FBXL19: variants seen among roughly 807,000 people sequenced by gnomAD.
FBXL19 encodes the protein F-box/LRR-repeat protein 19.
Under a neutral mutation model 71.2 loss-of-function variants are expected in FBXL19, and 16 were observed. The observed-to-expected ratio is 0.22, with a 90% CI of 0.15 to 0.34. The LOEUF is 0.34. FBXL19 is among the 10% of genes least tolerant of loss of function. The probability of loss-of-function intolerance (pLI) is 1.00; values close to 1 mark genes in which losing one functional copy is unlikely to be tolerated. For missense variants in FBXL19, 658 were observed against 968.2 expected, an observed-to-expected ratio of 0.68 and a Z score of 4.25; for synonymous variants, 447 against 409.4, an observed-to-expected ratio of 1.09 and a Z score of -1.11.
At position 30,931,217 on chromosome 16, in the gene FBXL19, A is replaced by G. The variant is rs1348213713; in HGVS notation, c.1301+633A>G. Reference sequence around the variant, plus strand: ...CCCGAGCCTCTTGTCTTCCTCTCTGATCTCGCCCCCAACAAAATTCCTCCT... The same window carrying G: ...CCCGAGCCTCTTGTCTTCCTCTCTGGTCTCGCCCCCAACAAAATTCCTCCT... On this transcript the variant is annotated intron_variant, in intron 7 of 10. Coordinates refer to ENST00000338343, the MANE Select transcript of FBXL19 (RefSeq NM_001382779.1). Among the ~76,000 whole-genome samples, 4 of 151,642 alleles carry G rather than the reference A, an allele frequency of 2.6e-5. No individual in the cohort carries two copies. In the South Asian group the frequency reaches 6.3e-4, roughly 24 times the overall value.
At position 30,927,934 on chromosome 16, in the gene FBXL19, G is replaced by C; in HGVS notation, c.598G>C (p.Gly200Arg). 6.5e-7 allele frequency: 1 copy of C among 1,538,384 alleles called. No individual in the cohort carries two copies. Among genetic ancestry groups the C allele is most frequent in the East Asian group, 2.3e-5 (1 of 43,404 alleles). Residue 200 changes from glycine (G) to arginine (R), a missense_variant, in exon 5 of 11, where the codon GGG (glycine) becomes CGG (arginine). By Grantham distance (125) the Gly-to-Arg change is moderately radical. Coordinates refer to ENST00000338343, the MANE Select transcript of FBXL19 (RefSeq NM_001382779.1). ...GPPKRKEREA[G>R]NEPPTPRKKV... ...CCCCAAACGAAAGGAAAGGGAGGCA[G>C]GGAATGAGCCTCCCACCCCAAGGAA...
Position 30,925,603 on chromosome 16 carries a change from G to T in FBXL19, c.-24-128G>T. 1 of 1,029,322 alleles carries T rather than the reference G, an allele frequency of 9.7e-7. No individual in the cohort carries two copies. Among genetic ancestry groups the T allele is most frequent in the South Asian group, 2.0e-5 (1 of 49,156 alleles). The allele number at this position is 1,029,322 out of a possible 1,614,324, so 63.8% of individuals were successfully genotyped here. A position where few individuals can be genotyped will look rare whatever the true frequency, so the allele number is the denominator to read the frequency against. ...GATTGGCCCCCAGATACACAGAAGG[G>T]GGTGACCTCCTTGTCCCCCTGAGGA... On this transcript the variant is annotated intron_variant, in intron 1 of 10. Coordinates refer to ENST00000338343, the MANE Select transcript of FBXL19 (RefSeq NM_001382779.1). The surrounding 1 kb of genome is among the most constrained non-coding windows in gnomAD (Gnocchi z 5.0).
intron 5 of FBXL19, 141 bp downstream of exon 5, chr16:30,928,104 T>G (rs1596650262): frequency 5.4e-6 from 3 of 554,068 alleles, no homozygotes; most frequent in African/African-American, 2.2e-5. Flanking sequence ...AGTTCAGGAG[T>G]TGGGTGGGGG....
chr16:30,924,890 G>T (rs956410354), intron 1 of FBXL19: 33 of 686,180 alleles, frequency 4.8e-5, no homozygotes, highest in Non-Finnish European at 3.1e-5. Context: ...AAGCAGCCCG[G>T]GAAGCTGGGG....
intron 7 of FBXL19, among the ~76,000 whole-genome samples, chr16:30,931,183 G>A (rs1441458002): frequency 2.6e-5 from 4 of 151,714 alleles, no homozygotes; most frequent in South Asian, 2.1e-4. Context: ...TAGAAATGTC[G>A]GTCATCCTCC....
In FBXL19 at chr16:30,925,321, T is replaced by A. The variant is rs951731704; in HGVS notation, c.-24-410T>A. 1.3e-5 allele frequency among the ~76,000 whole-genome samples: 2 copies of A among 151,838 alleles called. No homozygotes were observed. The highest frequency in any genetic ancestry group is 6.5e-5 in the Admixed American group (1 of 15,272). On this transcript the variant is annotated intron_variant, in intron 1 of 10. Transcript: ENST00000338343. The surrounding 1 kb of genome is among the most constrained non-coding windows in gnomAD (Gnocchi z 5.0). ...CTGGGCAGTTTACCCCAGATTGAGG[T>A]TGGGGAGAGCCTGGGATATTCTACA...
Position 30,934,219 on chromosome 16 carries a change from C to T in FBXL19, c.1301+3635C>T, listed in dbSNP as rs555925071. ...TCTACTAGAAATACAAAAAATTTAG[C>T]CAGGCATGGTGGCATACATCTGTAG... On this transcript the variant is annotated intron_variant, in intron 7 of 10. Coordinates refer to ENST00000338343, the MANE Select transcript of FBXL19 (RefSeq NM_001382779.1). 5.9e-5 allele frequency among the ~76,000 whole-genome samples: 9 copies of T among 151,564 alleles called. No homozygotes were observed. In the East Asian group the frequency reaches 1.8e-3, roughly 30 times the overall value.
intron 2 of FBXL19, 109 bp downstream of exon 2, chr16:30,926,040 G>A (rs2055586880): frequency 1.1e-5 from 15 of 1,337,250 alleles, no homozygotes; most frequent in Non-Finnish European, 1.4e-5. Flanking sequence ...TTGTTCACTC[G>A]TTCATTTCTT....
At position 30,947,837 on chromosome 16, in the gene FBXL19, C is replaced by T. The variant is rs1362865012; in HGVS notation, c.*607C>T. Reference sequence around the variant, plus strand: ...CCTTGGGGGTCACCTCTCTGCTTCCCCCCTCCCCAGGCTTCAGTTCCTTCC... The same window carrying T: ...CCTTGGGGGTCACCTCTCTGCTTCCTCCCTCCCCAGGCTTCAGTTCCTTCC... On this transcript the variant is annotated 3_prime_UTR_variant, in exon 11 of 11. Coordinates refer to ENST00000338343, the MANE Select transcript of FBXL19 (RefSeq NM_001382779.1). 3 of 449,498 alleles carry T rather than the reference C, an allele frequency of 6.7e-6. No homozygotes were observed. The highest frequency in any genetic ancestry group is 1.3e-5 in the Non-Finnish European group (3 of 223,676). 27.8% of individuals were successfully genotyped at this position (449,498 alleles called of 1,614,324 possible).
chr16:30,930,015 G>T lies in FBXL19; in HGVS notation c.790-58G>T, dbSNP rs543024383. 1.3e-6 allele frequency: 2 copies of T among 1,559,300 alleles called. No homozygotes were observed. Among genetic ancestry groups the T allele is most frequent in the African/African-American group, 2.7e-5 (2 of 73,904 alleles). ...CATCCCCTGGTGACTCCTCGGGGTA[G>T]GGGGGTGGGAAAATGTATCCCAGGC... On this transcript the variant is annotated intron_variant, in intron 6 of 10. Transcript: ENST00000338343. The surrounding 1 kb of genome is among the most constrained non-coding windows in gnomAD (Gnocchi z 8.5).
chr16:30,943,383 T>G (rs1349455668), intron 9 of FBXL19, among the ~76,000 whole-genome samples: 1 of 143,784 alleles, frequency 7.0e-6, no homozygotes, highest in Non-Finnish European at 1.5e-5. Flanking sequence ...TTTTTTTTTT[T>G]TTTTTTTTTG....
intron 7 of FBXL19, among the ~76,000 whole-genome samples, chr16:30,939,589 A>AT (rs952268362): frequency 7.6e-4 from 100 of 131,872 alleles, no homozygotes; most frequent in Middle Eastern, 4.4e-3. Context: ...AATTTTTTGT[A>AT]TTTTTTTTTT....
rs1001274930 is a variant in FBXL19, at chr16:30,943,141, A to C, written c.1627+605A>C. On this transcript the variant is annotated intron_variant, in intron 9 of 10. Transcript: ENST00000338343. ...AGGATGGGAGAGGTCTAGTTTGAGG[A>C]AAGATTTTCAAAAGGAGATTTGCAG... 1.3e-5 allele frequency among the ~76,000 whole-genome samples: 2 copies of C among 152,184 alleles called. 1 individual carries two copies. Among genetic ancestry groups the C allele is most frequent in the Admixed American group, 1.3e-4 (2 of 15,278 alleles).
intron 9 of FBXL19, among the ~76,000 whole-genome samples, chr16:30,943,752 C>T (rs542183198): frequency 7.9e-4 from 121 of 152,266 alleles, no homozygotes; most frequent in Non-Finnish European, 1.3e-3. Context: ...ATCTGCCCAC[C>T]TCTGCCTTCC....
At chr16:30,935,584 G>A (rs1439388041) in intron 7 of FBXL19, among the ~76,000 whole-genome samples, 1 of 152,172 alleles carries the variant, frequency 6.6e-6, no homozygotes, top group Non-Finnish European at 1.5e-5. Context: ...GATCATGGTC[G>A]GGTAGGGTCT....
chr16:30,947,679 G>A lies in FBXL19; in HGVS notation c.*449G>A, dbSNP rs2055876372. 1 of 331,596 alleles carries A rather than the reference G, an allele frequency of 3.0e-6. No homozygotes were observed. Among genetic ancestry groups the A allele is most frequent in the Non-Finnish European group, 6.0e-6 (1 of 167,512 alleles). 20.5% of individuals were successfully genotyped at this position (331,596 alleles called of 1,614,324 possible). A position where few individuals can be genotyped will look rare whatever the true frequency, so the allele number is the denominator to read the frequency against. ...CAAAGACCAGTTACTTGGAGTGGGG[G>A]GTGGGGGTGGGGCCACAAAAGGAAA... On this transcript the variant is annotated 3_prime_UTR_variant, in exon 11 of 11. Coordinates refer to ENST00000338343, the MANE Select transcript of FBXL19 (RefSeq NM_001382779.1).
chr16:30,933,955 G>A (rs988330021), intron 7 of FBXL19, among the ~76,000 whole-genome samples: 1 of 151,402 alleles, frequency 6.6e-6, no homozygotes, highest in Admixed American at 6.6e-5. Flanking sequence ...GTTTCTCCAT[G>A]TTGGTCAGGC....
In FBXL19 at chr16:30,947,957, A is replaced by T; in HGVS notation, c.*727A>T. On this transcript the variant is annotated 3_prime_UTR_variant, in exon 11 of 11. Coordinates refer to ENST00000338343, the MANE Select transcript of FBXL19 (RefSeq NM_001382779.1). ...CGCTCTTCAGCTCGCGGCCCAGGGGAGTGGCGAGGGGCGCCCCAACCCCCT... is the reference window on the plus strand; with the variant it reads ...CGCTCTTCAGCTCGCGGCCCAGGGGTGTGGCGAGGGGCGCCCCAACCCCCT... 2 of 430,266 alleles carry T rather than the reference A, an allele frequency of 4.6e-6. No homozygotes were observed. The highest frequency in any genetic ancestry group is 1.4e-4 in the East Asian group (2 of 13,922). 26.7% of individuals were successfully genotyped at this position (430,266 alleles called of 1,614,324 possible). A position where few individuals can be genotyped will look rare whatever the true frequency, so the allele number is the denominator to read the frequency against.
intron 9 of FBXL19, among the ~76,000 whole-genome samples, chr16:30,945,538 T>C (rs2055848357): frequency 6.6e-6 from 1 of 151,606 alleles, no homozygotes; most frequent in South Asian, 2.1e-4. Flanking sequence ...TGGCAAATGC[T>C]TTTAATCCCA....
Sources: allele counts gnomAD v4.1 joint callset (sites outside exome capture counted in the v4.1 genomes callset), GRCh38; gene constraint gnomAD v4.1.1; non-coding constraint Gnocchi (gnomAD v3.1); transcripts MANE v1.5; gene names NCBI Gene and HGNC (gene_info 2026-07-23, HGNC 2026-07-21).